Variants in MTDH observed in about 807,000 individuals in gnomAD.
MTDH encodes the protein protein LYRIC.
Under a neutral mutation model 72.7 loss-of-function variants are expected in MTDH, and 34 were observed. The observed-to-expected ratio is 0.47, with a 90% CI of 0.36 to 0.62. MTDH has a LOEUF of 0.62. Among genes scored for constraint, MTDH ranks in the 20% least tolerant of loss-of-function variants. MTDH has a pLI of 0.00. For missense variants in MTDH, 677 were observed against 699.4 expected (o/e 0.97, Z 0.36); for synonymous variants, 266 against 268.9 (o/e 0.99, Z 0.10).
chr8:97,673,656 GT>G (rs1220936015), intron 2 of MTDH, among the ~76,000 whole-genome samples: 9 of 146,344 alleles, frequency 6.1e-5, no homozygotes, highest in Non-Finnish European at 1.5e-5. Flanking sequence ...GCAAAACTCT[GT>G]CTTGGGCGGG....
chr8:97,644,966 C>A lies in MTDH; in HGVS notation c.381+79C>A, dbSNP rs1156245730. On this transcript the variant is annotated intron_variant, in intron 1 of 11. Coordinates refer to ENST00000336273, the MANE Select transcript of MTDH (RefSeq NM_178812.4). ...CCTCGAGCTTGGGGGAGGCCGCGCC[C>A]CAGCCGGGAAGGAAAAGAGTGCTTA... 6.3e-6 allele frequency: 9 copies of A among 1,438,172 alleles called. No individual in the cohort carries two copies. The South Asian group carries it at 1.4e-4, about 22-fold the overall frequency. 89.1% of individuals were successfully genotyped at this position (1,438,172 alleles called of 1,614,324 possible). A position where few individuals can be genotyped will look rare whatever the true frequency, so the allele number is the denominator to read the frequency against.
chr8:97,687,046 T>C (rs546689248), intron 3 of MTDH, among the ~76,000 whole-genome samples: 10 of 152,114 alleles, frequency 6.6e-5, no homozygotes, highest in Admixed American at 2.6e-4. Flanking sequence ...TGTTTGTTTT[T>C]CCCCCGTGGT....
intron 2 of MTDH, among the ~76,000 whole-genome samples, chr8:97,683,467 C>T (rs1407544834): frequency 6.6e-6 from 1 of 152,042 alleles, no homozygotes. Context: ...ATGATCACAG[C>T]TCACTTCAGC....
intron 11 of MTDH, among the ~76,000 whole-genome samples, chr8:97,724,179 C>T (rs1256952966): frequency 1.3e-5 from 2 of 152,202 alleles, no homozygotes; most frequent in East Asian, 3.8e-4. Flanking sequence ...GGAGAACTTT[C>T]ATGCCTGCCT....
At chr8:97,668,770 G>A (rs944782383) in intron 2 of MTDH, among the ~76,000 whole-genome samples, 6 of 152,070 alleles carry the variant, frequency 3.9e-5, no homozygotes, top group African/African-American at 1.4e-4. Flanking sequence ...GGCCAGGCTG[G>A]TCTCGAACTC....
chr8:97,688,206 C>T (rs1427949788), intron 4 of MTDH, among the ~76,000 whole-genome samples: 4 of 152,158 alleles, frequency 2.6e-5, no homozygotes, highest in Non-Finnish European at 5.9e-5. Context: ...CATTTTTACC[C>T]TGGAGACACC....
Position 97,719,084 on chromosome 8 carries a change from C to A in MTDH, c.1416C>A (p.Asp472Glu), listed in dbSNP as rs765096957. The A allele has an allele frequency of 6.2e-7, 1 of 1,612,368 alleles. No individual in the cohort carries two copies. The highest frequency in any genetic ancestry group is 8.5e-7 in the Non-Finnish European group (1 of 1,178,886). The change falls in exon 10 of 12, where the codon GAC becomes GAA. Residue 472 changes from aspartate to glutamate, a missense_variant. Around this residue, in one of 3 missense-constraint regions of MTDH, gnomAD observed 201 missense variants for 204.5 expected, o/e 0.98. Coordinates refer to ENST00000336273, the MANE Select transcript of MTDH (RefSeq NM_178812.4). ...AATTAGAAAAAGAGATTAGAGAAGA[C>A]CTTCCAGTGAATACCTCTAAAACCC... ...TEELEKEIREDLPVNTSKTRP... is the reference protein window; with the variant it reads ...TEELEKEIREELPVNTSKTRP...
intron 11 of MTDH, among the ~76,000 whole-genome samples, chr8:97,724,069 A>G (rs1383214817): frequency 1.3e-5 from 2 of 152,230 alleles, no homozygotes; most frequent in African/African-American, 4.8e-5. Flanking sequence ...AGATTGCGCC[A>G]TTGCACTCCA....
At chr8:97,681,848 G>A (rs1483786764) in intron 2 of MTDH, among the ~76,000 whole-genome samples, 7 of 152,032 alleles carry the variant, frequency 4.6e-5, no homozygotes, top group Admixed American at 2.6e-4. Flanking sequence ...AGATGATAGC[G>A]CAGTTGCTAT....
At chr8:97,669,783 G>T (rs565843579) in intron 2 of MTDH, among the ~76,000 whole-genome samples, 1 of 152,076 alleles carries the variant, frequency 6.6e-6, no homozygotes, top group Non-Finnish European at 1.5e-5. Context: ...GGGCATGATG[G>T]CACACGCCTG....
rs560997729 is a variant in MTDH at position 97,729,714 on chromosome 8, A to G, written c.*5044A>G. 3.9e-5 allele frequency among the ~76,000 whole-genome samples: 6 copies of G among 152,214 alleles called. No individual in the cohort carries two copies. In the South Asian group the frequency reaches 1.0e-3, roughly 26 times the overall value. Reference sequence around the variant, plus strand: ...GTCTCGTTGCCCAGGCTGGTCTCCAATTCCTGGGTTCAAGCAATCCTCCTG... The same window carrying G: ...GTCTCGTTGCCCAGGCTGGTCTCCAGTTCCTGGGTTCAAGCAATCCTCCTG... On this transcript the variant is annotated 3_prime_UTR_variant, in exon 12 of 12. Transcript: ENST00000336273.
intron 1 of MTDH, among the ~76,000 whole-genome samples, chr8:97,652,771 G>A (rs1268010071): frequency 6.6e-6 from 1 of 152,134 alleles, no homozygotes; most frequent in African/African-American, 2.4e-5. Context: ...TATTAAAAAA[G>A]TTATATCACT....
intron 5 of MTDH, among the ~76,000 whole-genome samples, chr8:97,690,693 G>T (rs969931418): frequency 6.6e-6 from 1 of 152,202 alleles, no homozygotes; most frequent in African/African-American, 2.4e-5. Flanking sequence ...CTTAGTGGGT[G>T]AGTATTCAGA....
chr8:97,681,775 A>C (rs1344963299), intron 2 of MTDH, among the ~76,000 whole-genome samples: 1 of 152,050 alleles, frequency 6.6e-6, no homozygotes, highest in African/African-American at 2.4e-5. Context: ...TACAGGCATG[A>C]GCCACCGTGC....
chr8:97,724,768 A>G lies in MTDH; in HGVS notation c.*98A>G. On this transcript the variant is annotated 3_prime_UTR_variant, in exon 12 of 12. Coordinates refer to ENST00000336273, the MANE Select transcript of MTDH (RefSeq NM_178812.4). ...TGTGAACATGTACAGAGTTTTATAT[A>G]AATTTAAACCAATTTTTAAAACAAA... The G allele has an allele frequency of 1.1e-6, 1 of 892,474 alleles. No individual in the cohort carries two copies. Among genetic ancestry groups the G allele is most frequent in the South Asian group, 2.3e-5 (1 of 44,412 alleles). The allele number at this position is 892,474 out of a possible 1,614,324, so 55.3% of individuals were successfully genotyped here.
intron 1 of MTDH, among the ~76,000 whole-genome samples, chr8:97,658,695 C>CA (rs1812066782): frequency 6.6e-6 from 1 of 152,022 alleles, no homozygotes; most frequent in Admixed American, 6.6e-5. Flanking sequence ...TTGTGAGTTG[C>CA]CAGTTGAAGA....
chr8:97,668,437 G>T (rs1260966743), intron 2 of MTDH, among the ~76,000 whole-genome samples: 1 of 152,032 alleles, frequency 6.6e-6, no homozygotes, highest in Non-Finnish European at 1.5e-5. Flanking sequence ...TCTCCTGAGG[G>T]CTGTGTCATG....
intron 1 of MTDH, among the ~76,000 whole-genome samples, chr8:97,659,657 CTAGG>C (rs1299083293): frequency 6.6e-6 from 1 of 152,130 alleles, no homozygotes; most frequent in Non-Finnish European, 1.5e-5. Flanking sequence ...GCTGTAATGA[CTAGG>C]TAGCTGATAA....
At position 97,678,594 on chromosome 8, in the gene MTDH, C is replaced by CTTTTTTT. The variant is rs35895126; in HGVS notation, c.484-8056_484-8050dup. The stretch of plus-strand genomic sequence containing the variant: ...GTTTCCTTTGCTTCCTTCCTTCCTT[C>CTTTTTTT]TTTTTTTTTTTTTTTTTTTTTTTTG... On this transcript the variant is annotated intron_variant, in intron 2 of 11. Transcript: ENST00000336273. Among the ~76,000 whole-genome samples, 656 of 85,300 alleles carry CTTTTTTT rather than the reference C, an allele frequency of 7.7e-3. 41 individuals carry two copies. Among genetic ancestry groups the CTTTTTTT allele is most frequent in the Non-Finnish European group, 9.5e-3 (452 of 47,810 alleles). The allele number at this position is 85,300 out of a possible 152,430, so 56.0% of individuals were successfully genotyped here.
Sources: allele counts gnomAD v4.1 joint callset (sites outside exome capture counted in the v4.1 genomes callset), GRCh38; gene constraint gnomAD v4.1.1; regional missense constraint gnomAD v4.1.1; transcripts MANE v1.5; gene names NCBI Gene and HGNC (gene_info 2026-07-23, HGNC 2026-07-21).